Variants in RBFOX1 observed in about 807,000 individuals in gnomAD.
RBFOX1 encodes RNA binding protein fox-1 homolog 1.
A neutral mutation model predicts 57.7 loss-of-function variants in RBFOX1; 8 were observed. That is an observed-to-expected ratio of 0.14 (90% CI 0.08 to 0.25). The LOEUF is 0.25. Among genes scored for constraint, RBFOX1 ranks in the 10% least tolerant of loss-of-function variants. The pLI is 1.00. For synonymous variants in RBFOX1, 326 were observed against 222.4 expected, an observed-to-expected ratio of 1.47 and a Z score of -4.15; for missense variants, 611 against 548.5, an observed-to-expected ratio of 1.11 and a Z score of -1.14.
At chr16:5,976,380 T>C (rs1454744330) in intron 4 of RBFOX1, among the ~76,000 whole-genome samples, 1 of 152,164 alleles carries the variant, frequency 6.6e-6, no homozygotes, top group East Asian at 1.9e-4. Flanking sequence ...TAATGTGTTT[T>C]GTAGAGAAGA....
chr16:6,340,206 C>T (rs997785336), intron 2 of RBFOX1, among the ~76,000 whole-genome samples: 1 of 152,018 alleles, frequency 6.6e-6, no homozygotes, highest in Non-Finnish European at 1.5e-5. Context: ...AGTATGGGTG[C>T]TAAGGGGTCA....
intron 4 of RBFOX1, among the ~76,000 whole-genome samples, chr16:7,506,408 A>G (rs949116763): frequency 6.6e-6 from 1 of 152,128 alleles, no homozygotes; most frequent in Non-Finnish European, 1.5e-5. Flanking sequence ...AGATAAAAAT[A>G]TGCGGTGTGT....
intron 3 of RBFOX1, among the ~76,000 whole-genome samples, chr16:6,768,694 C>A (rs960584906): frequency 2.1e-5 from 3 of 142,192 alleles, no homozygotes; most frequent in African/African-American, 8.4e-5. Context: ...TATATATGTA[C>A]CTATATATAT....
At chr16:6,248,809 C>T (rs2152940276) in intron 1 of RBFOX1, among the ~76,000 whole-genome samples, 1 of 152,252 alleles carries the variant, frequency 6.6e-6, no homozygotes, top group Non-Finnish European at 1.5e-5. Context: ...TCTGTCTTCG[C>T]ATCCATAGCC....
At chr16:7,052,907 T>C (rs1008546017) in intron 4 of RBFOX1, among the ~76,000 whole-genome samples, 1 of 152,220 alleles carries the variant, frequency 6.6e-6, no homozygotes. Flanking sequence ...CAGTTTTTAC[T>C]GGACAATGTG....
intron 2 of RBFOX1, among the ~76,000 whole-genome samples, chr16:6,621,879 G>T (rs1337570581): frequency 6.6e-6 from 1 of 152,166 alleles, no homozygotes; most frequent in African/African-American, 2.4e-5. Context: ...TGTGCTCAGT[G>T]TGTTAAGTGG....
At chr16:6,761,926 G>A (rs1187007208) in intron 3 of RBFOX1, among the ~76,000 whole-genome samples, 1 of 152,080 alleles carries the variant, frequency 6.6e-6, no homozygotes, top group Non-Finnish European at 1.5e-5. Context: ...CCTCTAGACT[G>A]ATGATCATTT....
intron 9 of RBFOX1, 64 bp downstream of exon 9, chr16:7,597,495 C>A: frequency 7.2e-7 from 1 of 1,395,960 alleles, no homozygotes. Context: ...GTAATTTAAC[C>A]AGAGATTCTA....
intron 1 of RBFOX1, among the ~76,000 whole-genome samples, chr16:5,429,503 G>C (rs1175413525): frequency 6.6e-6 from 1 of 152,166 alleles, no homozygotes; most frequent in Non-Finnish European, 1.5e-5. Context: ...GGGGCCTGTG[G>C]GGTCCTGGGA....
intron 3 of RBFOX1, among the ~76,000 whole-genome samples, chr16:6,858,118 G>T (rs1179618130): frequency 1.3e-5 from 2 of 152,120 alleles, no homozygotes; most frequent in Non-Finnish European, 1.5e-5. Context: ...ATTAAATACA[G>T]TTATTAAAAT....
intron 3 of RBFOX1, among the ~76,000 whole-genome samples, chr16:6,656,838 G>A (rs939764522): frequency 6.6e-5 from 10 of 150,974 alleles, no homozygotes; most frequent in African/African-American, 2.0e-4. Context: ...TACTCTCTAA[G>A]GACTTTTTTT....
chr16:6,958,687 C>G (rs921039894), intron 3 of RBFOX1, among the ~76,000 whole-genome samples: 15 of 152,122 alleles, frequency 9.9e-5, no homozygotes, highest in African/African-American at 2.7e-4. Context: ...TAATTGGGGT[C>G]ACATGCTAAT....
chr16:5,315,387 C>G (rs1467676847), intron 1 of RBFOX1, among the ~76,000 whole-genome samples: 2 of 152,168 alleles, frequency 1.3e-5, no homozygotes, highest in Non-Finnish European at 1.5e-5. Context: ...GCTTAGAATT[C>G]ATATCTTGCA....
intron 2 of RBFOX1, among the ~76,000 whole-genome samples, chr16:6,505,335 AG>A (rs2153191335): frequency 6.6e-6 from 1 of 152,334 alleles, no homozygotes; most frequent in East Asian, 1.9e-4. Flanking sequence ...TGTTTATATA[AG>A]GAATCTAAAA....
intron 4 of RBFOX1, among the ~76,000 whole-genome samples, chr16:7,231,841 C>T (rs537459263): frequency 6.6e-6 from 1 of 152,254 alleles, no homozygotes; most frequent in South Asian, 2.1e-4. Flanking sequence ...CCTGAAATAT[C>T]TGGAGTAGGT....
intron 4 of RBFOX1, among the ~76,000 whole-genome samples, chr16:7,074,250 G>A (rs780453796): frequency 1.3e-5 from 2 of 152,206 alleles, no homozygotes; most frequent in Non-Finnish European, 2.9e-5. Context: ...GGGTTTATAG[G>A]AAAAGATGGA....
At chr16:6,069,061 G>A (rs985436992) in intron 1 of RBFOX1, among the ~76,000 whole-genome samples, 1 of 152,100 alleles carries the variant, frequency 6.6e-6, no homozygotes, top group South Asian at 2.1e-4. Context: ...AGAGAAGGAA[G>A]AAAGGAAGCA....
chr16:6,741,998 C>A (rs1449925779), intron 3 of RBFOX1, among the ~76,000 whole-genome samples: 1 of 151,902 alleles, frequency 6.6e-6, no homozygotes, highest in African/African-American at 2.4e-5. Flanking sequence ...ATGTTTTCAC[C>A]ACAAAAATTA....
chr16:7,327,094 C>T (rs4605180), intron 4 of RBFOX1, among the ~76,000 whole-genome samples: 32,567 of 152,030 alleles, frequency 0.21, 3,719 homozygotes, highest in African/African-American at 0.27. Flanking sequence ...AAATGACTTT[C>T]GGACAAAGGT....
Sources: gnomAD v4.1 joint callset for allele counts (sites outside exome capture counted in the v4.1 genomes callset) on GRCh38, gnomAD v4.1.1 for gene constraint, MANE v1.5 for transcripts, NCBI Gene and HGNC (gene_info 2026-07-23, HGNC 2026-07-21) for gene names.